Variants in IARS1 observed in about 807,000 individuals in gnomAD.
The protein encoded by IARS1 is isoleucyl-tRNA synthetase 1.
A neutral mutation model predicts 168.2 loss-of-function variants in IARS1; 124 were observed. The ratio of observed to expected loss-of-function variants is 0.74; its 90% confidence interval spans 0.64 to 0.86. The LOEUF is 0.86. Among genes scored for constraint, IARS1 ranks in the 40% least tolerant of loss-of-function variants. The probability of loss-of-function intolerance (pLI) is 0.00; values close to 1 mark genes in which losing one functional copy is unlikely to be tolerated. For missense variants in IARS1, 1,452 were observed against 1,515.8 expected (o/e 0.96, Z 0.70); for synonymous variants, 532 against 529.4 (o/e 1.00, Z -0.07).
rs1485314997 is a variant in IARS1, at chr9:92,279,342, G to A, written c.746-1056C>T. On this transcript the variant is annotated intron_variant, in intron 7 of 33. Coordinates refer to ENST00000443024, the MANE Select transcript of IARS1 (RefSeq NM_002161.6). ...CAGGTAGATGGGTGATGTGTTTTGA[G>A]ATCTCAGTCAGGTGGCTGCTGAGAT... 2.0e-5 allele frequency among the ~76,000 whole-genome samples: 3 copies of A among 152,144 alleles called. No homozygotes were observed. The East Asian group carries it at 5.8e-4, about 29-fold the overall frequency.
Position 92,238,338 on chromosome 9 carries a change from C to A in IARS1, c.3283+2518G>T, listed in dbSNP as rs550896128. 1.2e-3 allele frequency among the ~76,000 whole-genome samples: 183 copies of A among 152,312 alleles called. 1 individual carries two copies. Among genetic ancestry groups the A allele is most frequent in the Admixed American group, 2.6e-3 (39 of 15,294 alleles). On this transcript the variant is annotated intron_variant, in intron 30 of 33. Transcript: ENST00000443024. ...GGCTTAGTGGGAGGTGTTTGGGTCA[C>A]TGGTGCCGATCCCTCATGAATGGCT...
intron 30 of IARS1, among the ~76,000 whole-genome samples, chr9:92,237,069 TTA>T (rs1827657229): frequency 6.6e-6 from 1 of 152,138 alleles, no homozygotes. Flanking sequence ...TCTCTTATTT[TTA>T]TGTTTTTCCT....
intron 6 of IARS1, 33 bp downstream of exon 6, chr9:92,285,689 C>G: frequency 7.4e-7 from 1 of 1,354,880 alleles, no homozygotes. Flanking sequence ...CTACAAAACT[C>G]AATGCTGAAT....
intron 12 of IARS1, 127 bp from the exon 13 acceptor site, chr9:92,270,110 A>T (rs1435403778): frequency 1.7e-6 from 1 of 573,380 alleles, no homozygotes; most frequent in Non-Finnish European, 3.1e-6. Context: ...ATTCATTTTT[A>T]TTATAGATAA....
chr9:92,225,209 T>C (rs1247383495), intron 31 of IARS1, among the ~76,000 whole-genome samples: 1 of 152,162 alleles, frequency 6.6e-6, no homozygotes, highest in Non-Finnish European at 1.5e-5. Flanking sequence ...CTGTCACCTA[T>C]AATGCTTCTG....
chr9:92,234,827 T>C (rs1461776412), intron 30 of IARS1, among the ~76,000 whole-genome samples: 1 of 151,568 alleles, frequency 6.6e-6, no homozygotes, highest in Non-Finnish European at 1.5e-5. Flanking sequence ...GGCCACATCT[T>C]AAAACCAGGC....
intron 30 of IARS1, among the ~76,000 whole-genome samples, chr9:92,230,210 A>T (rs1164451960): frequency 6.6e-6 from 1 of 151,954 alleles, no homozygotes; most frequent in African/African-American, 2.4e-5. Flanking sequence ...TCCTGGATTC[A>T]AGAGATTCTC....
chr9:92,288,569 T>C (rs1237441760), intron 2 of IARS1, among the ~76,000 whole-genome samples: 1 of 152,138 alleles, frequency 6.6e-6, no homozygotes, highest in Non-Finnish European at 1.5e-5. Flanking sequence ...ATCAGTAAAA[T>C]AGGGCAATAA....
chr9:92,255,104 C>A (rs1449512055), intron 20 of IARS1, among the ~76,000 whole-genome samples: 2 of 152,192 alleles, frequency 1.3e-5, no homozygotes, highest in Non-Finnish European at 2.9e-5. Flanking sequence ...CTCGCCAGGG[C>A]AGCACTCAGC....
chr9:92,270,034 A>G (rs1832797781), intron 12 of IARS1, 51 bp from the exon 13 acceptor site: 2 of 1,153,520 alleles, frequency 1.7e-6, no homozygotes, highest in Admixed American at 1.7e-5. Flanking sequence ...ACTAGTAGGC[A>G]CTACGGTAAG....
At chr9:92,288,558 C>T (rs1419663277) in intron 2 of IARS1, among the ~76,000 whole-genome samples, 3 of 152,136 alleles carry the variant, frequency 2.0e-5, no homozygotes, top group African/African-American at 4.8e-5. Flanking sequence ...TGAGTTATCT[C>T]ATCAGTAAAA....
intron 6 of IARS1, among the ~76,000 whole-genome samples, chr9:92,283,174 TAG>T (rs1452334442): frequency 2.0e-5 from 3 of 152,228 alleles, no homozygotes; most frequent in Non-Finnish European, 4.4e-5. Context: ...CCGCGTAGAA[TAG>T]AGGTCAGCAA....
At chr9:92,249,416 G>A (rs566669239) in intron 25 of IARS1, among the ~76,000 whole-genome samples, 46 of 152,282 alleles carry the variant, frequency 3.0e-4, no homozygotes, top group Non-Finnish European at 5.9e-4. Context: ...AGCTGGGCAT[G>A]GTGGCGGGTG....
Position 92,247,377 on chromosome 9 carries a change from C to G in IARS1, c.2791G>C (p.Gly931Arg). The change falls in exon 26 of 34, where the codon GGG (glycine) becomes CGG (arginine). Residue 931 changes from glycine (G) to arginine (R), a missense_variant and splice_region_variant. Coordinates refer to ENST00000443024, the MANE Select transcript of IARS1 (RefSeq NM_002161.6). ...TGCCCTTGTCTGTGTAGACACCTAC[C>G]AGTCTTCTGGAACTGCTCCAGCTCC... ...SEELEQFQKTGTIVVEGHELH... is the reference protein window; with the variant it reads ...SEELEQFQKTRTIVVEGHELH... The G allele has an allele frequency of 6.2e-7, 1 of 1,613,154 alleles. No homozygotes were observed. Among genetic ancestry groups the G allele is most frequent in the Admixed American group, 1.7e-5 (1 of 59,852 alleles).
At chr9:92,245,747 C>A (rs905149255) in intron 26 of IARS1, among the ~76,000 whole-genome samples, 2 of 151,634 alleles carry the variant, frequency 1.3e-5, no homozygotes, top group African/African-American at 2.4e-5. Flanking sequence ...CTTTCAATTT[C>A]AAATAAGGTT....
chr9:92,278,287 C>T lies in IARS1; in HGVS notation c.746-1G>A. On this transcript the variant is annotated splice_acceptor_variant, in intron 7 of 33. Coordinates refer to ENST00000443024, the MANE Select transcript of IARS1 (RefSeq NM_002161.6). LOFTEE classifies it high-confidence loss of function. The stretch of plus-strand genomic sequence containing the variant: ...ATGAGTAATCGTCCTCTGGCAACAT[C>T]TACGAGAAAAAGGAAAAACATGGAC... 6.2e-7 allele frequency: 1 copy of T among 1,606,210 alleles called. No homozygotes were observed. Among genetic ancestry groups the T allele is most frequent in the African/African-American group, 1.3e-5 (1 of 74,874 alleles).
chr9:92,224,311 TGGAAATCCTCCCAATG>T (rs1825289397), intron 31 of IARS1, among the ~76,000 whole-genome samples: 2 of 152,128 alleles, frequency 1.3e-5, no homozygotes, highest in Admixed American at 6.6e-5. Flanking sequence ...TAGTGATGGG[TGGAAATCCTCCCAATG>T]GGCACAGCTT....
At chr9:92,225,083 A>G (rs1825448648) in intron 31 of IARS1, among the ~76,000 whole-genome samples, 1 of 152,214 alleles carries the variant, frequency 6.6e-6, no homozygotes, top group Admixed American at 6.5e-5. Flanking sequence ...TATTGCCAGG[A>G]AAGACAAGCC....
At chr9:92,214,491 GA>G (rs1187491314) in intron 33 of IARS1, among the ~76,000 whole-genome samples, 1 of 152,276 alleles carries the variant, frequency 6.6e-6, no homozygotes, top group African/African-American at 2.4e-5. Context: ...AGTGATTTCT[GA>G]ATTTCCATCT....
Sources: allele counts gnomAD v4.1 joint callset (sites outside exome capture counted in the v4.1 genomes callset), GRCh38; gene constraint gnomAD v4.1.1; transcripts MANE v1.5; gene names NCBI Gene and HGNC (gene_info 2026-07-23, HGNC 2026-07-21).